The following NKAIN2 variants were observed in gnomAD, a reference collection of about 807,000 sequenced individuals.
NKAIN2 encodes the protein sodium/potassium-transporting ATPase subunit beta-1-interacting protein 2.
In NKAIN2, 14 loss-of-function variants were observed where a neutral mutation model predicts 32.6. The ratio of observed to expected loss-of-function variants is 0.43; its 90% CI spans 0.28 to 0.67. The LOEUF is 0.67. NKAIN2 is among the 30% of genes least tolerant of loss of function. NKAIN2 has a pLI of 0.17. For missense variants in NKAIN2, 198 were observed against 258.3 expected, an observed-to-expected ratio of 0.77 and a Z score of 1.60; for synonymous variants, 80 against 87.2, an observed-to-expected ratio of 0.92 and a Z score of 0.46.
At position 124,534,551 on chromosome 6, in the gene NKAIN2, GAT is replaced by G. The variant is rs367617052; in HGVS notation, c.274-123632_274-123631del. 3.2e-3 allele frequency among the ~76,000 whole-genome samples: 484 copies of G among 152,324 alleles called. 4 individuals carry two copies. The highest frequency in any genetic ancestry group is 0.011 in the African/African-American group (464 of 41,568). On this transcript the variant is annotated intron_variant, in intron 3 of 6. Transcript: ENST00000368417. ...CTAAATGCACATGATACCAAAAGTTGATATGTATGTTTGAGTATGACAGATAG... is the reference window on the plus strand; with the variant it reads ...CTAAATGCACATGATACCAAAAGTTGATGTATGTTTGAGTATGACAGATAG...
At chr6:124,025,654 T>C (rs1423800145) in intron 1 of NKAIN2, among the ~76,000 whole-genome samples, 1 of 152,218 alleles carries the variant, frequency 6.6e-6, no homozygotes, top group East Asian at 1.9e-4. Context: ...GTGTATTGTA[T>C]ACTTGAAATT....
At chr6:124,800,440 G>A (rs757904102) in intron 5 of NKAIN2, among the ~76,000 whole-genome samples, 1 of 152,222 alleles carries the variant, frequency 6.6e-6, no homozygotes, top group African/African-American at 2.4e-5. Flanking sequence ...TCTGGCAGAA[G>A]ATACTCACGG....
At chr6:123,993,176 C>T (rs1779483836) in intron 1 of NKAIN2, among the ~76,000 whole-genome samples, 1 of 152,098 alleles carries the variant, frequency 6.6e-6, no homozygotes, top group Admixed American at 6.6e-5. Flanking sequence ...TAATAGAATT[C>T]TTAAGGCAAA....
At chr6:124,096,873 A>AG in intron 1 of NKAIN2, among the ~76,000 whole-genome samples, 1 of 151,480 alleles carries the variant, frequency 6.6e-6, no homozygotes, top group Non-Finnish European at 1.5e-5. Context: ...AAAAAAAAAA[A>AG]AAAAATTATC....
intron 1 of NKAIN2, among the ~76,000 whole-genome samples, chr6:124,124,856 T>C (rs990971433): frequency 6.6e-6 from 1 of 152,178 alleles, no homozygotes; most frequent in African/African-American, 2.4e-5. Context: ...TTCTTTTCAG[T>C]GTGGCCACTA....
intron 1 of NKAIN2, among the ~76,000 whole-genome samples, chr6:123,965,860 T>C (rs1778051117): frequency 6.6e-6 from 1 of 152,206 alleles, no homozygotes; most frequent in African/African-American, 2.4e-5. Flanking sequence ...CTTGTATTAC[T>C]GGTATACAAT....
intron 3 of NKAIN2, among the ~76,000 whole-genome samples, chr6:124,501,677 A>G (rs2114749758): frequency 6.6e-6 from 1 of 152,196 alleles, no homozygotes; most frequent in African/African-American, 2.4e-5. Context: ...ATAGCCCTCA[A>G]GTTTATGTCC....
intron 3 of NKAIN2, among the ~76,000 whole-genome samples, chr6:124,407,843 C>T (rs1773940446): frequency 1.3e-5 from 2 of 149,386 alleles, no homozygotes; most frequent in South Asian, 4.3e-4. Context: ...TTCTCCACAT[C>T]CTCTCCAGCA....
chr6:123,984,199 G>A (rs1307404000), intron 1 of NKAIN2, among the ~76,000 whole-genome samples: 3 of 151,948 alleles, frequency 2.0e-5, no homozygotes, highest in African/African-American at 2.4e-5. Flanking sequence ...GAGTCACCGC[G>A]CCCGGCCAGA....
In NKAIN2 at chr6:124,350,773, A is replaced by G. The variant is rs1798686398; in HGVS notation, c.193-4494A>G. The stretch of plus-strand genomic sequence containing the variant: ...CATATCCTTCTGAATTACTCTGGAA[A>G]AAAGAGGATAAAAAATTATATTCTA... On this transcript the variant is annotated intron_variant, in intron 2 of 6. Coordinates refer to ENST00000368417, the MANE Select transcript of NKAIN2 (RefSeq NM_001040214.3). Among the ~76,000 whole-genome samples, 2 of 152,252 alleles carry G rather than the reference A, an allele frequency of 1.3e-5. 1 individual carries two copies. Among genetic ancestry groups the G allele is most frequent in the South Asian group, 4.1e-4 (2 of 4,834 alleles).
chr6:124,367,257 C>A (rs945963788), intron 3 of NKAIN2, among the ~76,000 whole-genome samples: 1 of 152,250 alleles, frequency 6.6e-6, no homozygotes, highest in South Asian at 2.1e-4. Context: ...ACTATCTGTT[C>A]TTCAATGTTG....
Position 123,805,809 on chromosome 6 carries a change from G to T in NKAIN2, c.54+1555G>T, listed in dbSNP as rs550605006. On this transcript the variant is annotated intron_variant, in intron 1 of 6. Coordinates refer to ENST00000368417, the MANE Select transcript of NKAIN2 (RefSeq NM_001040214.3). ...AAGAATACATTTGCTGATTCACTGT[G>T]TGAAAGCATAAAAATGTGAGAATGA... Among the ~76,000 whole-genome samples the T allele has an allele frequency of 2.2e-3, 340 of 152,196 alleles. 1 individual carries two copies. The highest frequency in any genetic ancestry group is 7.7e-3 in the African/African-American group (318 of 41,546).
chr6:124,664,460 C>T (rs977000001), intron 4 of NKAIN2, among the ~76,000 whole-genome samples: 1 of 151,732 alleles, frequency 6.6e-6, no homozygotes, highest in African/African-American at 2.4e-5. Context: ...CAAATTTAAG[C>T]TTATACATAT....
chr6:124,307,587 A>T (rs1583024875), intron 2 of NKAIN2, among the ~76,000 whole-genome samples: 2 of 152,302 alleles, frequency 1.3e-5, no homozygotes, highest in East Asian at 3.9e-4. Flanking sequence ...TGTGGTTGTC[A>T]CTGATGGAAG....
At chr6:124,344,330 C>T (rs1318911575) in intron 2 of NKAIN2, among the ~76,000 whole-genome samples, 2 of 151,998 alleles carry the variant, frequency 1.3e-5, no homozygotes, top group African/African-American at 2.4e-5. Context: ...TTTTTGGTTC[C>T]ATATGAATTT....
At chr6:124,197,671 A>G (rs1346982431) in intron 1 of NKAIN2, among the ~76,000 whole-genome samples, 2 of 152,110 alleles carry the variant, frequency 1.3e-5, no homozygotes, top group Non-Finnish European at 2.9e-5. Context: ...CAATGAATAC[A>G]GGAATATAAA....
At chr6:123,856,448 A>G (rs893315748) in intron 1 of NKAIN2, among the ~76,000 whole-genome samples, 2 of 152,212 alleles carry the variant, frequency 1.3e-5, no homozygotes, top group Admixed American at 6.5e-5. Context: ...ATCATTTGAT[A>G]TACTGAAAAT....
chr6:123,873,366 G>C (rs1402913025), intron 1 of NKAIN2, among the ~76,000 whole-genome samples: 2 of 152,006 alleles, frequency 1.3e-5, no homozygotes. Context: ...GGAGTGTCAG[G>C]GCAAAAAGAA....
chr6:124,075,111 A>G (rs993526627), intron 1 of NKAIN2, among the ~76,000 whole-genome samples: 3 of 152,186 alleles, frequency 2.0e-5, no homozygotes, highest in African/African-American at 7.2e-5. Context: ...TGTGTTAACT[A>G]TCAGTGTTAA....
Sources: allele counts gnomAD v4.1 joint callset (sites outside exome capture counted in the v4.1 genomes callset), GRCh38; gene constraint gnomAD v4.1.1; transcripts MANE v1.5; gene names NCBI Gene and HGNC (gene_info 2026-07-23, HGNC 2026-07-21).